P3H2: variants seen among roughly 807,000 people sequenced by gnomAD.
P3H2 encodes prolyl 3-hydroxylase 2.
P3H2 carries 80 observed loss-of-function variants against 87.0 expected under a neutral mutation model. The ratio of observed to expected loss-of-function variants is 0.92; its 90% CI spans 0.77 to 1.11. The LOEUF (loss-of-function observed/expected upper bound fraction) is 1.11, where lower values mean the gene tolerates loss of function less well. Among genes scored for constraint, P3H2 ranks in the 50% least tolerant of loss-of-function variants. The probability of loss-of-function intolerance (pLI) is 0.00; values close to 1 mark genes in which losing one functional copy is unlikely to be tolerated. For missense variants in P3H2, 1,001 were observed against 923.9 expected (o/e 1.08, Z -1.08); for synonymous variants, 367 against 359.3 (o/e 1.02, Z -0.24).
chr3:189,963,788 TATC>T (rs1279572767), intron 14 of P3H2, 167 bp downstream of exon 14: 3 of 718,686 alleles, frequency 4.2e-6, no homozygotes, highest in Non-Finnish European at 7.3e-6. Flanking sequence ...GACTATCAAA[TATC>T]ATTGACACAG....
chr3:189,966,456 T>A (rs3773932), intron 13 of P3H2, among the ~76,000 whole-genome samples: 1 of 152,238 alleles, frequency 6.6e-6, no homozygotes, highest in East Asian at 1.9e-4. Flanking sequence ...TATGAGGCGG[T>A]TGGAACTGAT....
chr3:190,006,480 C>A (rs1015032930), intron 1 of P3H2, among the ~76,000 whole-genome samples: 6 of 152,194 alleles, frequency 3.9e-5, no homozygotes, highest in African/African-American at 1.4e-4. Context: ...AGTCATAGAA[C>A]TGTGATAGAT....
chr3:190,067,903 T>A (rs1726564739), intron 1 of P3H2, among the ~76,000 whole-genome samples: 1 of 152,056 alleles, frequency 6.6e-6, no homozygotes, highest in Non-Finnish European at 1.5e-5. Flanking sequence ...GAAAAATGAA[T>A]TTGAAAAGAA....
intron 1 of P3H2, among the ~76,000 whole-genome samples, chr3:190,011,751 A>T (rs1301415434): frequency 6.6e-6 from 1 of 152,218 alleles, no homozygotes; most frequent in Non-Finnish European, 1.5e-5. Context: ...CAACACAATC[A>T]TATGGTAGAG....
intron 13 of P3H2, 99 bp downstream of exon 13, chr3:189,970,717 T>C: frequency 1.3e-6 from 1 of 758,482 alleles, no homozygotes; most frequent in Non-Finnish European, 2.4e-6. Context: ...AATCTTGAGC[T>C]CAGAAGTATT....
At chr3:190,065,280 A>C (rs1021581377) in intron 1 of P3H2, among the ~76,000 whole-genome samples, 1 of 152,140 alleles carries the variant, frequency 6.6e-6, no homozygotes, top group African/African-American at 2.4e-5. Context: ...GATACATGCC[A>C]TTCCCAGGCT....
intron 1 of P3H2, among the ~76,000 whole-genome samples, chr3:190,089,252 G>A (rs1386801841): frequency 6.6e-6 from 1 of 152,148 alleles, no homozygotes; most frequent in Non-Finnish European, 1.5e-5. Flanking sequence ...ATAGCATTAG[G>A]AGATACACCT....
chr3:190,106,798 T>G (rs1025989671), intron 1 of P3H2, among the ~76,000 whole-genome samples: 2 of 152,214 alleles, frequency 1.3e-5, no homozygotes, highest in African/African-American at 4.8e-5. Flanking sequence ...CAGTATAATC[T>G]CAGACACATT....
At chr3:189,991,621 A>G (rs1723879852) in intron 3 of P3H2, among the ~76,000 whole-genome samples, 1 of 152,272 alleles carries the variant, frequency 6.6e-6, no homozygotes, top group African/African-American at 2.4e-5. Context: ...GCCGAGAGAT[A>G]GAAGAAAACA....
At chr3:189,964,502 A>C (rs912843430) in intron 13 of P3H2, among the ~76,000 whole-genome samples, 2 of 152,256 alleles carry the variant, frequency 1.3e-5, no homozygotes, top group Admixed American at 1.3e-4. Flanking sequence ...ACAAACAAAC[A>C]AACAGGACAT....
intron 13 of P3H2, among the ~76,000 whole-genome samples, chr3:189,966,044 A>G (rs1722966614): frequency 1.4e-5 from 2 of 145,292 alleles, no homozygotes; most frequent in Admixed American, 6.8e-5. Context: ...AGAAAGAAAG[A>G]AAAGAAAGAA....
At chr3:189,993,261 G>A (rs140993644) in intron 3 of P3H2, among the ~76,000 whole-genome samples, 2 of 149,722 alleles carry the variant, frequency 1.3e-5, no homozygotes, top group African/African-American at 4.9e-5. Context: ...GGCAGAGGTT[G>A]CAGTGAGCCA....
chr3:190,024,408 T>C (rs1484078618), intron 1 of P3H2, among the ~76,000 whole-genome samples: 1 of 150,150 alleles, frequency 6.7e-6, no homozygotes, highest in Non-Finnish European at 1.5e-5. Context: ...CCAGGCGCGG[T>C]GGCGCATGCC....
At chr3:190,103,100 C>G (rs1711690439) in intron 1 of P3H2, among the ~76,000 whole-genome samples, 1 of 152,198 alleles carries the variant, frequency 6.6e-6, no homozygotes, top group Admixed American at 6.5e-5. Flanking sequence ...TTTATATGCA[C>G]TGGGAAACCA....
At chr3:189,980,118 C>T (rs546178242) in intron 8 of P3H2, among the ~76,000 whole-genome samples, 402 of 152,262 alleles carry the variant, frequency 2.6e-3, no homozygotes, top group African/African-American at 8.7e-3. Context: ...CATCTTAATG[C>T]TTAGGAGCTG....
chr3:189,990,816 T>C (rs145099094), intron 3 of P3H2, among the ~76,000 whole-genome samples: 1 of 152,360 alleles, frequency 6.6e-6, no homozygotes, highest in African/African-American at 2.4e-5. Flanking sequence ...GCAATTAATA[T>C]GTTTTTAATA....
chr3:189,965,575 C>A (rs973251223), intron 13 of P3H2, among the ~76,000 whole-genome samples: 1 of 152,166 alleles, frequency 6.6e-6, no homozygotes, highest in African/African-American at 2.4e-5. Context: ...AGAGAGTTCA[C>A]GAGTTAGTCG....
chr3:189,964,559 A>G (rs1722919485), intron 13 of P3H2, among the ~76,000 whole-genome samples: 2 of 152,272 alleles, frequency 1.3e-5, no homozygotes, highest in Admixed American at 6.5e-5. Flanking sequence ...TGGTTACATG[A>G]GCGTATACGC....
intron 1 of P3H2, among the ~76,000 whole-genome samples, chr3:190,070,954 A>C (rs1484852189): frequency 6.6e-6 from 1 of 152,260 alleles, no homozygotes; most frequent in Non-Finnish European, 1.5e-5. Context: ...TTAAAGCAGA[A>C]TAAATTAAAT....
Sources: gnomAD v4.1 joint callset for allele counts (sites outside exome capture counted in the v4.1 genomes callset) on GRCh38, gnomAD v4.1.1 for gene constraint, MANE v1.5 for transcripts, NCBI Gene and HGNC (gene_info 2026-07-23, HGNC 2026-07-21) for gene names.